The following MCTP1 variants were observed in gnomAD, a reference collection of about 807,000 sequenced individuals.
MCTP1 encodes multiple C2 and transmembrane domain-containing protein 1.
In MCTP1, 69 loss-of-function variants were observed where a neutral mutation model predicts 120.6. The observed-to-expected ratio is 0.57, with a 90% CI of 0.47 to 0.70. The LOEUF (loss-of-function observed/expected upper bound fraction) is 0.70. Ranked by LOEUF, MCTP1 falls within the 30% of genes least tolerant of loss-of-function variation. MCTP1 has a pLI of 0.00. For synonymous variants in MCTP1, 529 were observed against 493.1 expected, an observed-to-expected ratio of 1.07 and a Z score of -0.96; for missense variants, 1,203 against 1,248.8, an observed-to-expected ratio of 0.96 and a Z score of 0.55.
At chr5:95,165,938 T>C (rs1387276116) in intron 1 of MCTP1, among the ~76,000 whole-genome samples, 1 of 152,160 alleles carries the variant, frequency 6.6e-6, no homozygotes, top group Non-Finnish European at 1.5e-5. Flanking sequence ...CACAGTAATA[T>C]TCCTTCCCTT....
At chr5:94,802,705 C>G (rs779241997) in intron 17 of MCTP1, among the ~76,000 whole-genome samples, 33 of 152,002 alleles carry the variant, frequency 2.2e-4, no homozygotes, top group African/African-American at 7.7e-4. Flanking sequence ...TTGGGGGAAA[C>G]GAGAGATACA....
chr5:94,982,247 T>C (rs566800482), intron 2 of MCTP1, among the ~76,000 whole-genome samples: 13 of 152,318 alleles, frequency 8.5e-5, no homozygotes, highest in African/African-American at 3.1e-4. Flanking sequence ...TACAATATAA[T>C]CAAATATAAA....
At chr5:94,951,247 T>G (rs1282805495) in intron 3 of MCTP1, among the ~76,000 whole-genome samples, 1 of 152,186 alleles carries the variant, frequency 6.6e-6, no homozygotes, top group East Asian at 1.9e-4. Context: ...TTTGTTTATT[T>G]CTTTTTGAGC....
At chr5:94,927,315 T>A (rs1372984627) in intron 6 of MCTP1, among the ~76,000 whole-genome samples, 2 of 152,204 alleles carry the variant, frequency 1.3e-5, no homozygotes, top group Non-Finnish European at 2.9e-5. Flanking sequence ...CATTTTGGAA[T>A]CTCAGAAGTC....
chr5:95,230,672 A>G (rs1754831008), intron 1 of MCTP1, among the ~76,000 whole-genome samples: 2 of 152,192 alleles, frequency 1.3e-5, no homozygotes, highest in Non-Finnish European at 2.9e-5. Flanking sequence ...GCAGCAGGAT[A>G]TAAATAACTC....
At chr5:95,102,978 C>T (rs1485911353) in intron 1 of MCTP1, among the ~76,000 whole-genome samples, 1 of 152,104 alleles carries the variant, frequency 6.6e-6, no homozygotes, top group African/African-American at 2.4e-5. Context: ...GTCTTAGTTT[C>T]CTTAGCAAAA....
At chr5:95,271,065 T>C (rs76208716) in intron 1 of MCTP1, among the ~76,000 whole-genome samples, 14 of 152,284 alleles carry the variant, frequency 9.2e-5, no homozygotes, top group Non-Finnish European at 1.9e-4. Context: ...ACACAACAAA[T>C]TTCTGGTACC....
chr5:94,874,706 A>C (rs1282376152), intron 12 of MCTP1, among the ~76,000 whole-genome samples: 1 of 152,060 alleles, frequency 6.6e-6, no homozygotes, highest in Non-Finnish European at 1.5e-5. Flanking sequence ...CTTTCAACTC[A>C]CACACCCCAT....
intron 3 of MCTP1, among the ~76,000 whole-genome samples, chr5:94,949,440 T>C (rs542687698): frequency 6.6e-6 from 1 of 152,294 alleles, no homozygotes; most frequent in South Asian, 2.1e-4. Flanking sequence ...CAAGCCTTGT[T>C]CTCACCTGCA....
At chr5:94,979,462 G>T (rs947538653) in intron 2 of MCTP1, 3 of 152,102 alleles carry the variant, frequency 2.0e-5, no homozygotes, top group African/African-American at 7.2e-5. Flanking sequence ...CTATATGCAG[G>T]AAGAGTGAAA....
At chr5:95,054,537 T>C (rs1218605827) in intron 1 of MCTP1, among the ~76,000 whole-genome samples, 1 of 152,192 alleles carries the variant, frequency 6.6e-6, no homozygotes, top group Non-Finnish European at 1.5e-5. Context: ...GAACCCACAG[T>C]GGTTCCCCTT....
At chr5:94,782,844 C>T (rs183016996) in intron 18 of MCTP1, among the ~76,000 whole-genome samples, 458 of 152,160 alleles carry the variant, frequency 3.0e-3, no homozygotes, top group Non-Finnish European at 4.0e-3. Flanking sequence ...TGAAGAGTGA[C>T]GAAAAATCAT....
At chr5:94,847,810 T>C (rs1010047383) in intron 17 of MCTP1, among the ~76,000 whole-genome samples, 1 of 151,940 alleles carries the variant, frequency 6.6e-6, no homozygotes, top group Non-Finnish European at 1.5e-5. Flanking sequence ...CAGATGTTTC[T>C]GTAACAGAGG....
chr5:95,027,890 G>A (rs1440913272), intron 1 of MCTP1, among the ~76,000 whole-genome samples: 2 of 152,212 alleles, frequency 1.3e-5, no homozygotes, highest in African/African-American at 4.8e-5. Flanking sequence ...GTTAACACAG[G>A]AAATCCATGA....
intron 2 of MCTP1, among the ~76,000 whole-genome samples, chr5:94,991,447 TACTA>T (rs1200494637): frequency 6.6e-6 from 1 of 152,216 alleles, no homozygotes; most frequent in South Asian, 2.1e-4. Context: ...TACTCTGAAA[TACTA>T]ACTGTTTTCT....
intron 10 of MCTP1, among the ~76,000 whole-genome samples, chr5:94,902,256 T>C (rs1233205714): frequency 6.6e-6 from 1 of 152,204 alleles, no homozygotes; most frequent in Non-Finnish European, 1.5e-5. Context: ...CCGACACTTC[T>C]ACCCTACTTG....
intron 20 of MCTP1, 146 bp from the exon 21 acceptor site, chr5:94,711,073 A>T (rs1318903965): frequency 1.5e-6 from 1 of 651,608 alleles, no homozygotes; most frequent in Non-Finnish European, 2.7e-6. Flanking sequence ...CAGAGGACGC[A>T]GGCTAGCCAT....
chr5:94,874,575 A>G (rs1798414028), intron 12 of MCTP1, among the ~76,000 whole-genome samples: 2 of 152,144 alleles, frequency 1.3e-5, no homozygotes, highest in South Asian at 4.1e-4. Context: ...AATTTTAAAT[A>G]AAGAATAGAG....
chr5:95,214,317 A>G (rs1752782691), intron 1 of MCTP1, among the ~76,000 whole-genome samples: 2 of 152,248 alleles, frequency 1.3e-5, no homozygotes, highest in Non-Finnish European at 2.9e-5. Flanking sequence ...ACAATGAGAT[A>G]CCATCTCACA....
Sources: allele counts gnomAD v4.1 joint callset (sites outside exome capture counted in the v4.1 genomes callset), GRCh38; gene constraint gnomAD v4.1.1; transcripts MANE v1.5; gene names NCBI Gene and HGNC (gene_info 2026-07-23, HGNC 2026-07-21).